RARB: variants seen among roughly 807,000 people sequenced by gnomAD.
The protein encoded by RARB is retinoic acid receptor beta, also known as HBV-activated protein.
Under a neutral mutation model 51.9 loss-of-function variants are expected in RARB, and 17 were observed. The observed-to-expected ratio is 0.33, with a 90% CI of 0.22 to 0.49. The LOEUF is 0.49. RARB is among the 20% of genes least tolerant of loss of function. RARB has a pLI of 0.99. For missense variants in RARB, 369 were observed against 550.8 expected (o/e 0.67, Z 3.30); for synonymous variants, 215 against 195.4 (o/e 1.10, Z -0.84).
At chr3:25,255,485 T>C (rs1702842457) in intron 5 of RARB, among the ~76,000 whole-genome samples, 1 of 152,146 alleles carries the variant, frequency 6.6e-6, no homozygotes, top group Non-Finnish European at 1.5e-5. Context: ...AGAAAACAAT[T>C]GAGCTTCGAG....
In RARB at chr3:25,510,986, T is replaced by C. The variant is rs1006782548; in HGVS notation, c.448+9663T>C. On this transcript the variant is annotated intron_variant, in intron 3 of 7. Transcript: ENST00000330688. ...AGGCCAGGCAGTAAATATTTTAGCATCTGCAGTCCATTTGGTGTTTTTTTG... is the reference window on the plus strand; with the variant it reads ...AGGCCAGGCAGTAAATATTTTAGCACCTGCAGTCCATTTGGTGTTTTTTTG... Among the ~76,000 whole-genome samples, 3 of 152,358 alleles carry C rather than the reference T, an allele frequency of 2.0e-5. No homozygotes were observed. The East Asian group carries it at 5.8e-4, about 29-fold the overall frequency.
intron 5 of RARB, among the ~76,000 whole-genome samples, chr3:25,316,710 C>T (rs778115348): frequency 1.3e-5 from 2 of 152,102 alleles, no homozygotes; most frequent in African/African-American, 2.4e-5. Flanking sequence ...AAGGAAAAGA[C>T]GTAGCAGTAT....
intron 5 of RARB, among the ~76,000 whole-genome samples, chr3:25,276,868 A>G (rs1703394608): frequency 6.6e-6 from 1 of 152,212 alleles, no homozygotes. Flanking sequence ...TACGGTATAT[A>G]TTGGCAGTAA....
At chr3:25,294,029 G>C (rs1559347080) in intron 5 of RARB, among the ~76,000 whole-genome samples, 1 of 152,128 alleles carries the variant, frequency 6.6e-6, no homozygotes, top group Non-Finnish European at 1.5e-5. Flanking sequence ...AATAACTTCG[G>C]AGGAGGTAAG....
chr3:25,370,409 A>G (rs1706262848), intron 5 of RARB, among the ~76,000 whole-genome samples: 1 of 152,164 alleles, frequency 6.6e-6, no homozygotes, highest in Non-Finnish European at 1.5e-5. Context: ...TTACACAAGT[A>G]CCTTAAGGAA....
At chr3:25,004,267 T>C (rs1697223492) in intron 2 of RARB, among the ~76,000 whole-genome samples, 2 of 152,176 alleles carry the variant, frequency 1.3e-5, no homozygotes, top group Admixed American at 1.3e-4. Flanking sequence ...TATTTTTCTC[T>C]GTGCTCAAAA....
intron 5 of RARB, among the ~76,000 whole-genome samples, chr3:25,308,448 CTTTTTT>C (rs549224085): frequency 7.6e-6 from 1 of 130,750 alleles, no homozygotes; most frequent in African/African-American, 2.9e-5. Context: ...TTCTTTCTTT[CTTTTTT>C]TTTTTTTTTT....
At chr3:25,029,600 C>T (rs1432071265) in intron 2 of RARB, among the ~76,000 whole-genome samples, 1 of 152,166 alleles carries the variant, frequency 6.6e-6, no homozygotes, top group Non-Finnish European at 1.5e-5. Flanking sequence ...TGGGGAGTTG[C>T]CTTTTCTCCA....
intron 5 of RARB, among the ~76,000 whole-genome samples, chr3:25,249,629 G>T (rs571290748): frequency 6.7e-6 from 1 of 148,914 alleles, no homozygotes; most frequent in South Asian, 2.1e-4. Flanking sequence ...TGTTGGTTGG[G>T]TAGGTCACTT....
intron 2 of RARB, among the ~76,000 whole-genome samples, chr3:24,909,714 A>G (rs1694948034): frequency 6.6e-6 from 1 of 152,006 alleles, no homozygotes; most frequent in Non-Finnish European, 1.5e-5. Context: ...TTTAACCGTG[A>G]TGGATTTTTA....
intron 5 of RARB, among the ~76,000 whole-genome samples, chr3:25,286,506 T>G (rs919037380): frequency 6.6e-6 from 1 of 152,218 alleles, no homozygotes; most frequent in African/African-American, 2.4e-5. Context: ...CAGACTTTCT[T>G]CTTCAGTGTG....
chr3:25,016,882 T>C (rs1269186329), intron 2 of RARB, among the ~76,000 whole-genome samples: 2 of 152,118 alleles, frequency 1.3e-5, no homozygotes, highest in Non-Finnish European at 2.9e-5. Flanking sequence ...CAGCATCTGA[T>C]TTATACTATC....
intron 3 of RARB, among the ~76,000 whole-genome samples, chr3:25,543,560 C>A (rs540370148): frequency 6.6e-6 from 1 of 152,242 alleles, no homozygotes; most frequent in Non-Finnish European, 1.5e-5. Context: ...TCACAGTTGT[C>A]CTATAATCAG....
intron 2 of RARB, among the ~76,000 whole-genome samples, chr3:24,954,983 G>C (rs1288904041): frequency 1.3e-5 from 2 of 152,150 alleles, no homozygotes; most frequent in African/African-American, 4.8e-5. Flanking sequence ...GCTGTCCATG[G>C]ACTGCTAAGT....
chr3:25,494,257 A>ACACG (rs796454732), intron 2 of RARB, among the ~76,000 whole-genome samples: 5 of 151,432 alleles, frequency 3.3e-5, no homozygotes, highest in South Asian at 2.1e-4. Flanking sequence ...TCTTACGCAC[A>ACACG]CACACACACA....
intron 5 of RARB, among the ~76,000 whole-genome samples, chr3:25,250,673 G>T (rs1702694763): frequency 6.6e-6 from 1 of 152,124 alleles, no homozygotes; most frequent in Non-Finnish European, 1.5e-5. Flanking sequence ...AGAGGCTGTT[G>T]GACCCCAGGG....
chr3:25,251,039 G>T (rs1702705306), intron 5 of RARB, among the ~76,000 whole-genome samples: 1 of 152,078 alleles, frequency 6.6e-6, no homozygotes, highest in African/African-American at 2.4e-5. Context: ...TACTGAAAGT[G>T]TTCTCTGTTA....
At chr3:25,079,532 C>T (rs73034769) in intron 3 of RARB, among the ~76,000 whole-genome samples, 206 of 152,168 alleles carry the variant, frequency 1.4e-3, no homozygotes, top group Non-Finnish European at 2.4e-3. Flanking sequence ...ATTATGCTAA[C>T]CTTTTATTAA....
intron 2 of RARB, among the ~76,000 whole-genome samples, chr3:24,897,473 C>T (rs894180139): frequency 2.6e-5 from 4 of 152,146 alleles, no homozygotes; most frequent in African/African-American, 7.2e-5. Flanking sequence ...ATAAAAATTT[C>T]ATCACTTTGA....
Sources: allele counts gnomAD v4.1 joint callset (sites outside exome capture counted in the v4.1 genomes callset), GRCh38; gene constraint gnomAD v4.1.1; transcripts MANE v1.5; gene names NCBI Gene and HGNC (gene_info 2026-07-23, HGNC 2026-07-21).